Variants in SBF2 observed in about 807,000 individuals in gnomAD.
SBF2 encodes the protein SET binding factor 2.
A neutral mutation model predicts 225.2 loss-of-function variants in SBF2; 112 were observed. The observed-to-expected ratio is 0.50, with a 90% confidence interval of 0.43 to 0.58. SBF2 has a LOEUF of 0.58. Among genes scored for constraint, SBF2 ranks in the 20% least tolerant of loss-of-function variants. The pLI, the probability that SBF2 is intolerant of heterozygous loss-of-function variation, is 0.00. For synonymous variants in SBF2, 763 were observed against 773.3 expected (o/e 0.99, Z 0.22); for missense variants, 1,996 against 2,206.2 (o/e 0.90, Z 1.91).
At chr11:10,009,947 G>C (rs1948371929) in intron 6 of SBF2, among the ~76,000 whole-genome samples, 3 of 152,118 alleles carry the variant, frequency 2.0e-5, no homozygotes, top group South Asian at 4.2e-4. Context: ...TGCCATTGTA[G>C]CTGGCATGAC....
chr11:9,982,314 A>G (rs17272133), intron 13 of SBF2, among the ~76,000 whole-genome samples: 17,089 of 152,250 alleles, frequency 0.11, 1,078 homozygotes, highest in Non-Finnish European at 0.13. Context: ...ATGTCTTACA[A>G]GAGACCCAAA....
At chr11:9,876,553 T>A (rs1859259847) in intron 17 of SBF2, among the ~76,000 whole-genome samples, 2 of 152,180 alleles carry the variant, frequency 1.3e-5, no homozygotes, top group African/African-American at 2.4e-5. Flanking sequence ...CTGCCCCACG[T>A]TCTGAAGAAA....
intron 3 of SBF2, among the ~76,000 whole-genome samples, chr11:10,037,774 G>A (rs1949502236): frequency 6.6e-6 from 1 of 151,738 alleles, no homozygotes; most frequent in African/African-American, 2.4e-5. Context: ...GGATGGTGGG[G>A]GTGGGGGAGT....
At chr11:10,213,993 G>T (rs1958034267) in intron 1 of SBF2, among the ~76,000 whole-genome samples, 1 of 152,186 alleles carries the variant, frequency 6.6e-6, no homozygotes, top group African/African-American at 2.4e-5. Context: ...TAAGACAAAA[G>T]ACTCTTTTAA....
intron 13 of SBF2, among the ~76,000 whole-genome samples, chr11:9,980,780 GTGGTC>G (rs1946922867): frequency 6.6e-6 from 1 of 151,424 alleles, no homozygotes; most frequent in Non-Finnish European, 1.5e-5. Flanking sequence ...GGGTTTCACT[GTGGTC>G]TCGATCTCCT....
chr11:9,953,019 T>C (rs1408218442), intron 16 of SBF2, among the ~76,000 whole-genome samples: 1 of 152,200 alleles, frequency 6.6e-6, no homozygotes, highest in South Asian at 2.1e-4. Context: ...GATCCAGCAA[T>C]GTATCTACCC....
At chr11:10,196,507 T>C (rs1408651017) in intron 1 of SBF2, among the ~76,000 whole-genome samples, 3 of 151,958 alleles carry the variant, frequency 2.0e-5, no homozygotes, top group Non-Finnish European at 2.9e-5. Context: ...AGCCTCCAAG[T>C]AGCTGGGACT....
chr11:9,826,062 G>A (rs1855043552), intron 28 of SBF2, among the ~76,000 whole-genome samples: 1 of 152,172 alleles, frequency 6.6e-6, no homozygotes. Context: ...AAATGCACTG[G>A]TAGACAGAAT....
At chr11:9,937,992 G>A (rs892305909) in intron 16 of SBF2, among the ~76,000 whole-genome samples, 7 of 152,076 alleles carry the variant, frequency 4.6e-5, no homozygotes, top group Non-Finnish European at 8.8e-5. Flanking sequence ...AGACTTATAA[G>A]AAAATATTAA....
At chr11:10,041,369 T>C (rs1382789009) in intron 3 of SBF2, among the ~76,000 whole-genome samples, 1 of 152,180 alleles carries the variant, frequency 6.6e-6, no homozygotes, top group Non-Finnish European at 1.5e-5. Context: ...TCCCCATTGA[T>C]AACATACAGT....
intron 2 of SBF2, among the ~76,000 whole-genome samples, chr11:10,060,460 G>A (rs1052218879): frequency 3.9e-5 from 6 of 152,164 alleles, no homozygotes; most frequent in African/African-American, 1.4e-4. Context: ...GTACAAAGAA[G>A]AGCTAGTAAT....
At chr11:9,785,496 C>T (rs964242084) in intron 36 of SBF2, 178 bp from the exon 37 acceptor site, 11 of 630,272 alleles carry the variant, frequency 1.7e-5, no homozygotes, top group African/African-American at 9.2e-5. Context: ...ACAACCTACA[C>T]GTCCATTATT....
intron 1 of SBF2, among the ~76,000 whole-genome samples, chr11:10,282,619 A>G (rs1034128855): frequency 6.6e-6 from 1 of 152,080 alleles, no homozygotes; most frequent in South Asian, 2.1e-4. Context: ...TTTACCCCTC[A>G]CATTCATTCA....
At chr11:9,962,142 C>A (rs764161372) in intron 15 of SBF2, 36 bp from the exon 16 acceptor site, 12 of 1,600,944 alleles carry the variant, frequency 7.5e-6, no homozygotes, top group South Asian at 5.5e-5. Context: ...CCAAATGGTA[C>A]CACTGGGGGA....
chr11:10,161,202 AAAAAAT>A (rs1362489574), intron 2 of SBF2, among the ~76,000 whole-genome samples: 2 of 151,626 alleles, frequency 1.3e-5, no homozygotes, highest in Non-Finnish European at 1.5e-5. Flanking sequence ...AAAAAAAAAA[AAAAAAT>A]AGGTCATAAG....
At chr11:9,863,621 T>C (rs894585819) in intron 17 of SBF2, among the ~76,000 whole-genome samples, 11 of 152,330 alleles carry the variant, frequency 7.2e-5, no homozygotes, top group Admixed American at 7.2e-4. Flanking sequence ...GAGCATTTTC[T>C]GATGAAATTG....
intron 1 of SBF2, among the ~76,000 whole-genome samples, chr11:10,228,164 T>C (rs1179322095): frequency 3.3e-5 from 5 of 152,218 alleles, no homozygotes; most frequent in Non-Finnish European, 4.4e-5. Flanking sequence ...TTTTTGCACA[T>C]TGATTTTGTA....
chr11:10,286,683 T>C (rs946085485), intron 1 of SBF2, among the ~76,000 whole-genome samples: 2 of 152,170 alleles, frequency 1.3e-5, no homozygotes, highest in African/African-American at 4.8e-5. Context: ...TTTTTTTGTC[T>C]TTTTAGTGAA....
At chr11:10,004,597 A>C (rs1410953728) in intron 6 of SBF2, among the ~76,000 whole-genome samples, 1 of 144,986 alleles carries the variant, frequency 6.9e-6, no homozygotes, top group Non-Finnish European at 1.5e-5. Flanking sequence ...AAAAAAAAAC[A>C]AACTACATAC....
Sources: allele counts gnomAD v4.1 joint callset (sites outside exome capture counted in the v4.1 genomes callset), GRCh38; gene constraint gnomAD v4.1.1; transcripts MANE v1.5; gene names NCBI Gene and HGNC (gene_info 2026-07-23, HGNC 2026-07-21).